The following CLIC4 variants were observed in gnomAD, a reference collection of about 807,000 sequenced individuals.
CLIC4 encodes CLIC family member 4, also known as chloride intracellular channel protein 4.
A neutral mutation model predicts 24.6 loss-of-function variants in CLIC4; 13 were observed. That is an observed-to-expected ratio of 0.53 (90% confidence interval 0.34 to 0.84). The LOEUF is 0.84. CLIC4 is among the 40% of genes least tolerant of loss of function. The pLI, the probability that CLIC4 is intolerant of heterozygous loss-of-function variation, is 0.01. For missense variants in CLIC4, 227 were observed against 301.7 expected, an observed-to-expected ratio of 0.75 and a Z score of 1.83; for synonymous variants, 104 against 111.3, an observed-to-expected ratio of 0.93 and a Z score of 0.41.
chr1:24,775,911 C>T (rs565689877), intron 1 of CLIC4, among the ~76,000 whole-genome samples: 6 of 150,832 alleles, frequency 4.0e-5, no homozygotes, highest in African/African-American at 1.5e-4. Context: ...CTGGATATTA[C>T]AAATGATAAA....
At chr1:24,817,158 A>G (rs1410185595) in intron 3 of CLIC4, among the ~76,000 whole-genome samples, 1 of 152,214 alleles carries the variant, frequency 6.6e-6, no homozygotes, top group Non-Finnish European at 1.5e-5. Context: ...CACCTTCATC[A>G]ATGATCTATC....
At position 24,844,278 on chromosome 1, in the gene CLIC4, C is replaced by CT. The variant is rs913011893; in HGVS notation, c.*3347dup. 1 of 152,444 alleles carries CT rather than the reference C, an allele frequency of 6.6e-6. No homozygotes were observed. Among genetic ancestry groups the CT allele is most frequent in the African/African-American group, 2.4e-5 (1 of 41,408 alleles). The allele number at this position is 152,444 out of a possible 1,614,324, so 9.4% of individuals were successfully genotyped here. On this transcript the variant is annotated 3_prime_UTR_variant, in exon 6 of 6. Transcript: ENST00000374379. ...TATATTTTCACTATCATAAAGGATTCTTTTTTCCCCCCTCATGAAAATAAA... is the reference window on the plus strand; with the variant it reads ...TATATTTTCACTATCATAAAGGATTCTTTTTTTCCCCCCTCATGAAAATAAA...
intron 1 of CLIC4, among the ~76,000 whole-genome samples, chr1:24,753,441 G>A (rs1039132614): frequency 1.3e-5 from 2 of 152,200 alleles, no homozygotes; most frequent in Non-Finnish European, 2.9e-5. Context: ...CTCACATTAA[G>A]TAGGGCTAGG....
intron 3 of CLIC4, among the ~76,000 whole-genome samples, chr1:24,816,241 T>TTG (rs1553193770): frequency 6.9e-6 from 1 of 145,244 alleles, no homozygotes; most frequent in Non-Finnish European, 1.5e-5. Context: ...CGTGTTTTTT[T>TTG]TTTTTTTTTT....
At position 24,843,259 on chromosome 1, in the gene CLIC4, A is replaced by C. The variant is rs1390824586; in HGVS notation, c.*2322A>C. The stretch of plus-strand genomic sequence containing the variant: ...GTAAATGGACAAAAGCTAGCTAGTA[A>C]AAAGGACGACCCAGCAACATGCTTT... On this transcript the variant is annotated 3_prime_UTR_variant, in exon 6 of 6. Coordinates refer to ENST00000374379, the MANE Select transcript of CLIC4 (RefSeq NM_013943.3). 6.6e-6 allele frequency: 1 copy of C among 152,212 alleles called. No individual in the cohort carries two copies. The highest frequency in any genetic ancestry group is 2.4e-5 in the African/African-American group (1 of 41,454). The allele number at this position is 152,212 out of a possible 1,614,324, so 9.4% of individuals were successfully genotyped here. A position where few individuals can be genotyped will look rare whatever the true frequency, so the allele number is the denominator to read the frequency against.
At chr1:24,838,189 G>A (rs1196632908) in intron 4 of CLIC4, among the ~76,000 whole-genome samples, 1 of 151,968 alleles carries the variant, frequency 6.6e-6, no homozygotes, top group Non-Finnish European at 1.5e-5. Flanking sequence ...ACTACCCTCT[G>A]TCCCCAAGAT....
At chr1:24,819,006 A>T (rs1404422565) in intron 3 of CLIC4, among the ~76,000 whole-genome samples, 5 of 152,006 alleles carry the variant, frequency 3.3e-5, no homozygotes, top group Non-Finnish European at 7.4e-5. Flanking sequence ...CTGGAATGTG[A>T]TGTGCATGGT....
chr1:24,814,452 T>C (rs1042602555), intron 3 of CLIC4, among the ~76,000 whole-genome samples: 7 of 152,160 alleles, frequency 4.6e-5, no homozygotes, highest in African/African-American at 1.7e-4. Context: ...GAAACAGATT[T>C]GGGATGTGTC....
intron 1 of CLIC4, among the ~76,000 whole-genome samples, chr1:24,763,199 G>C (rs1000613450): frequency 6.6e-6 from 1 of 151,872 alleles, no homozygotes; most frequent in African/African-American, 2.4e-5. Context: ...TCCTTTTCCT[G>C]ACCCCCACAC....
Position 24,771,723 on chromosome 1 carries a change from T to C in CLIC4, c.73-26019T>C. 5.5e-6 allele frequency: 2 copies of C among 360,752 alleles called. 1 individual carries two copies. The highest frequency in any genetic ancestry group is 1.1e-5 in the Non-Finnish European group (2 of 178,862). 22.3% of individuals were successfully genotyped at this position (360,752 alleles called of 1,614,324 possible). On this transcript the variant is annotated intron_variant, in intron 1 of 5. Transcript: ENST00000374379. ...TACCAGAGTTAAAAGTAGTATTCAG[T>C]TATTGAACTTGAGACATGTAATTGG... is the stretch of plus-strand genomic sequence containing the variant.
At chr1:24,775,831 T>C (rs529045586) in intron 1 of CLIC4, among the ~76,000 whole-genome samples, 5 of 151,954 alleles carry the variant, frequency 3.3e-5, no homozygotes, top group African/African-American at 1.2e-4. Flanking sequence ...TGATTACTTT[T>C]TTTTTTTTTT....
chr1:24,831,361 C>T (rs1639838747), intron 4 of CLIC4, among the ~76,000 whole-genome samples: 1 of 152,166 alleles, frequency 6.6e-6, no homozygotes, highest in South Asian at 2.1e-4. Flanking sequence ...CTGTGTCTTG[C>T]ACTGACGAAT....
At chr1:24,787,210 C>T (rs1382956831) in intron 1 of CLIC4, among the ~76,000 whole-genome samples, 1 of 151,970 alleles carries the variant, frequency 6.6e-6, no homozygotes, top group Non-Finnish European at 1.5e-5. Context: ...TTTATGTAAT[C>T]CAGGCCGGGT....
chr1:24,749,942 A>C (rs984706824), intron 1 of CLIC4, among the ~76,000 whole-genome samples: 3 of 152,146 alleles, frequency 2.0e-5, no homozygotes, highest in African/African-American at 7.2e-5. Flanking sequence ...AAAAAATATA[A>C]AAAATTAGCT....
intron 2 of CLIC4, among the ~76,000 whole-genome samples, chr1:24,799,684 G>T (rs1193048464): frequency 7.3e-6 from 1 of 137,356 alleles, no homozygotes; most frequent in Non-Finnish European, 1.6e-5. Context: ...CAGCCGCCCC[G>T]TCCGGGAGGG....
chr1:24,843,538 A>G lies in CLIC4; in HGVS notation c.*2601A>G, dbSNP rs1463404524. The G allele has an allele frequency of 2.0e-5, 3 of 152,162 alleles. No individual in the cohort carries two copies. Among genetic ancestry groups the G allele is most frequent in the African/African-American group, 7.2e-5 (3 of 41,438 alleles). 9.4% of individuals were successfully genotyped at this position (152,162 alleles called of 1,614,324 possible). On this transcript the variant is annotated 3_prime_UTR_variant, in exon 6 of 6. Coordinates refer to ENST00000374379, the MANE Select transcript of CLIC4 (RefSeq NM_013943.3). ...AAATTTTTGTATTCAGCAGTTGGAAAGCTCTCTATTCTAGTTGATAAAACT... is the reference window on the plus strand; with the variant it reads ...AAATTTTTGTATTCAGCAGTTGGAAGGCTCTCTATTCTAGTTGATAAAACT...
At chr1:24,813,611 G>A (rs911887794) in intron 2 of CLIC4, among the ~76,000 whole-genome samples, 36 of 150,382 alleles carry the variant, frequency 2.4e-4, no homozygotes, top group African/African-American at 4.9e-4. Context: ...CAGAGATGGG[G>A]TTTCACCATG....
intron 1 of CLIC4, among the ~76,000 whole-genome samples, chr1:24,776,902 A>G (rs1474323935): frequency 1.3e-5 from 2 of 152,110 alleles, no homozygotes; most frequent in African/African-American, 4.8e-5. Flanking sequence ...ACAAGAGCAA[A>G]ACTCTGTCTC....
At chr1:24,752,571 C>T (rs1323325744) in intron 1 of CLIC4, among the ~76,000 whole-genome samples, 7 of 152,176 alleles carry the variant, frequency 4.6e-5, no homozygotes, top group African/African-American at 7.2e-5. Flanking sequence ...CTGTTACTTC[C>T]GGTCACATTC....
Sources: allele counts gnomAD v4.1 joint callset (sites outside exome capture counted in the v4.1 genomes callset), GRCh38; gene constraint gnomAD v4.1.1; transcripts MANE v1.5; gene names NCBI Gene and HGNC (gene_info 2026-07-23, HGNC 2026-07-21).